Variants in SYT9 observed in about 807,000 individuals in gnomAD.
SYT9 encodes synaptotagmin-9.
A neutral mutation model predicts 48.4 loss-of-function variants in SYT9; 22 were observed. The ratio of observed to expected loss-of-function variants is 0.45; its 90% CI spans 0.32 to 0.65. SYT9 has a LOEUF of 0.65. Ranked by LOEUF, SYT9 falls within the 30% of genes least tolerant of loss-of-function variation. The pLI is 0.03. For missense variants in SYT9, 577 were observed against 622.0 expected (o/e 0.93, Z 0.77); for synonymous variants, 265 against 245.0 (o/e 1.08, Z -0.76).
At chr11:7,249,968 T>C (rs1165242125), upstream of SYT9, among the ~76,000 whole-genome samples, 3 of 152,320 alleles carry the variant, frequency 2.0e-5, no homozygotes, top group East Asian at 5.8e-4. Flanking sequence ...ATGACTCCCC[T>C]CTGTACAATC....
intron 3 of SYT9, among the ~76,000 whole-genome samples, chr11:7,323,809 C>CGT (rs1386238733): frequency 1.3e-5 from 2 of 151,262 alleles, no homozygotes; most frequent in Non-Finnish European, 3.0e-5. Flanking sequence ...TGTGTGTATG[C>CGT]GTGTGTGTGT....
chr11:7,460,961 G>A (rs1021745209), intron 6 of SYT9, among the ~76,000 whole-genome samples: 7 of 152,066 alleles, frequency 4.6e-5, no homozygotes, highest in African/African-American at 7.2e-5. Context: ...TAGAATAACC[G>A]TGCACAGACA....
At chr11:7,272,614 A>G (rs1848318131) in intron 1 of SYT9, among the ~76,000 whole-genome samples, 1 of 152,140 alleles carries the variant, frequency 6.6e-6, no homozygotes, top group Non-Finnish European at 1.5e-5. Flanking sequence ...GAAAGACATG[A>G]TCCTTGTCCT....
At chr11:7,288,119 G>C (rs1212253097) in intron 1 of SYT9, among the ~76,000 whole-genome samples, 3 of 152,054 alleles carry the variant, frequency 2.0e-5, no homozygotes, top group African/African-American at 4.8e-5. Flanking sequence ...GCACAATAGT[G>C]GGAAATAAGT....
Position 7,362,949 on chromosome 11 carries a change from C to CTTTTT in SYT9, c.1044+49032_1044+49036dup, listed in dbSNP as rs35065184. Among the ~76,000 whole-genome samples, 6 of 17,922 alleles carry CTTTTT rather than the reference C, an allele frequency of 3.3e-4. 1 individual carries two copies. The highest frequency in any genetic ancestry group is 1.1e-3 in the African/African-American group (6 of 5,594). 11.8% of individuals were successfully genotyped at this position (17,922 alleles called of 152,430 possible). ...ATCTTTCTTCTTGCCATTTATTGGCCTTTTTTTTTTTTTTTTTTTTTTTTT... is the reference window on the plus strand; with the variant it reads ...ATCTTTCTTCTTGCCATTTATTGGCCTTTTTTTTTTTTTTTTTTTTTTTTTTTTTT... On this transcript the variant is annotated intron_variant, in intron 3 of 6. Transcript: ENST00000318881.
intron 6 of SYT9, among the ~76,000 whole-genome samples, chr11:7,455,929 C>T (rs1848143981): frequency 6.6e-6 from 1 of 152,148 alleles, no homozygotes; most frequent in African/African-American, 2.4e-5. Context: ...AGCAGGTGCC[C>T]AAGAAGGAAG....
chr11:7,383,400 C>G (rs1013334363), intron 3 of SYT9, among the ~76,000 whole-genome samples: 6 of 152,184 alleles, frequency 3.9e-5, no homozygotes, highest in African/African-American at 1.4e-4. Flanking sequence ...CCCGGTGGCT[C>G]ACTGGACATT....
At chr11:7,343,802 T>C (rs1481085443) in intron 3 of SYT9, among the ~76,000 whole-genome samples, 1 of 152,286 alleles carries the variant, frequency 6.6e-6, no homozygotes, top group Non-Finnish European at 1.5e-5. Flanking sequence ...AAAAAGAGGT[T>C]TAATGGACTC....
chr11:7,248,273 A>T (rs535158407), upstream of SYT9, among the ~76,000 whole-genome samples: 215 of 150,670 alleles, frequency 1.4e-3, no homozygotes, highest in Non-Finnish European at 2.2e-3. Flanking sequence ...CCACTCTGTG[A>T]GTTGTCTGTT....
intron 3 of SYT9, 103 bp downstream of exon 3, chr11:7,314,044 C>A: frequency 1.5e-6 from 2 of 1,323,002 alleles, no homozygotes; most frequent in Non-Finnish European, 2.1e-6. Flanking sequence ...AAATTCCTGT[C>A]AATGTACATG....
chr11:7,414,856 A>G (rs1847208288), intron 3 of SYT9, among the ~76,000 whole-genome samples: 1 of 152,166 alleles, frequency 6.6e-6, no homozygotes, highest in African/African-American at 2.4e-5. Context: ...AGGGGAGGGA[A>G]AGCTTTGGAC....
At chr11:7,432,582 A>AAAAT (rs1847619483) in intron 6 of SYT9, among the ~76,000 whole-genome samples, 4 of 3,512 alleles carry the variant, frequency 1.1e-3, no homozygotes, top group Non-Finnish European at 2.3e-3. Context: ...AAAAAAAAAA[A>AAAAT]ATATATATAC....
chr11:7,382,188 C>G (rs1017175298), intron 3 of SYT9, among the ~76,000 whole-genome samples: 1 of 152,210 alleles, frequency 6.6e-6, no homozygotes. Flanking sequence ...TCATAGCAGC[C>G]ATCCTGCCCA....
chr11:7,305,423 T>C (rs1021000717), intron 2 of SYT9, among the ~76,000 whole-genome samples: 3 of 152,190 alleles, frequency 2.0e-5, no homozygotes, highest in African/African-American at 7.2e-5. Context: ...TATATATCCT[T>C]GTCTCAGGAT....
intron 3 of SYT9, among the ~76,000 whole-genome samples, chr11:7,398,530 C>T (rs181469695): frequency 2.0e-5 from 3 of 151,920 alleles, no homozygotes; most frequent in Non-Finnish European, 4.4e-5. Context: ...CTGCCTCAGC[C>T]TCCCCAGTAG....
chr11:7,382,438 A>G (rs1349447549), intron 3 of SYT9, among the ~76,000 whole-genome samples: 1 of 152,076 alleles, frequency 6.6e-6, no homozygotes, highest in East Asian at 1.9e-4. Flanking sequence ...TTTTTTCCAA[A>G]CTGAGATTCA....
intron 1 of SYT9, among the ~76,000 whole-genome samples, chr11:7,284,097 A>G (rs1194641472): frequency 1.3e-5 from 2 of 152,170 alleles, no homozygotes; most frequent in Non-Finnish European, 2.9e-5. Context: ...GCTATTTTAT[A>G]AGATTTTGTA....
chr11:7,454,263 G>T, intron 6 of SYT9: 2 of 985,252 alleles, frequency 2.0e-6, no homozygotes, highest in Non-Finnish European at 2.4e-6. Flanking sequence ...CCTCCCATTT[G>T]TCTCTGCAGT....
At chr11:7,247,598 CGTATATATACATATATACGT>C (rs1196437063), upstream of SYT9, among the ~76,000 whole-genome samples, 2 of 142,362 alleles carry the variant, frequency 1.4e-5, no homozygotes, top group East Asian at 2.0e-4. Flanking sequence ...TGTATATATA[CGTATATATACATATATACGT>C]GTATATATAC....
Sources: allele counts gnomAD v4.1 joint callset (sites outside exome capture counted in the v4.1 genomes callset), GRCh38; gene constraint gnomAD v4.1.1; transcripts MANE v1.5; gene names NCBI Gene and HGNC (gene_info 2026-07-23, HGNC 2026-07-21).